The following TCF7L2 variants were observed in gnomAD, a reference collection of about 807,000 sequenced individuals.
TCF7L2 encodes the protein transcription factor 7 like 2, also known as transcription factor 7-like 2.
A neutral mutation model predicts 77.9 loss-of-function variants in TCF7L2; 23 were observed. The ratio of observed to expected loss-of-function variants is 0.30; its 90% confidence interval spans 0.21 to 0.42. The LOEUF (loss-of-function observed/expected upper bound fraction) is 0.42. Among genes scored for constraint, TCF7L2 ranks in the 10% least tolerant of loss-of-function variants. The probability of loss-of-function intolerance (pLI) is 1.00; values close to 1 mark genes in which losing one functional copy is unlikely to be tolerated. For missense variants in TCF7L2, 654 were observed against 793.1 expected (o/e 0.82, Z 2.11); for synonymous variants, 413 against 340.2 (o/e 1.21, Z -2.36).
At chr10:113,031,890 A>G (rs1476469555) in intron 4 of TCF7L2, among the ~76,000 whole-genome samples, 1 of 152,246 alleles carries the variant, frequency 6.6e-6, no homozygotes, top group Non-Finnish European at 1.5e-5. Context: ...TATCTAGTCC[A>G]TAGCTGACAC....
chr10:113,043,032 A>G (rs367682399), intron 5 of TCF7L2, among the ~76,000 whole-genome samples: 1 of 152,234 alleles, frequency 6.6e-6, no homozygotes, highest in East Asian at 1.9e-4. Flanking sequence ...TTCATCAGAC[A>G]TGTTTCAAAA....
intron 5 of TCF7L2, among the ~76,000 whole-genome samples, chr10:113,061,946 A>G (rs2134916822): frequency 6.6e-6 from 1 of 152,336 alleles, no homozygotes; most frequent in Non-Finnish European, 1.5e-5. Context: ...GAAGCATGGC[A>G]CAAATAAAAG....
chr10:113,126,103 G>A (rs2065551048), intron 5 of TCF7L2: 1 of 141,452 alleles, frequency 7.1e-6, no homozygotes, highest in Admixed American at 6.9e-5. Context: ...ACAAGTTTCG[G>A]TAGGTTTTGT....
chr10:112,992,946 G>T (rs1353496910), intron 4 of TCF7L2, among the ~76,000 whole-genome samples: 10 of 151,902 alleles, frequency 6.6e-5, no homozygotes, highest in African/African-American at 2.4e-4. Context: ...TGTATTTTTA[G>T]TAGAGATGGG....
At chr10:113,075,870 CG>C (rs963204351) in intron 5 of TCF7L2, among the ~76,000 whole-genome samples, 61 of 151,986 alleles carry the variant, frequency 4.0e-4, no homozygotes, top group African/African-American at 1.4e-3. Context: ...ATCTTACAGC[CG>C]GGGCCTGTAA....
At chr10:113,015,231 A>G (rs1189238206) in intron 4 of TCF7L2, among the ~76,000 whole-genome samples, 1 of 152,214 alleles carries the variant, frequency 6.6e-6, no homozygotes, top group African/African-American at 2.4e-5. Context: ...GGCCACATCA[A>G]TCCCATTCCT....
intron 5 of TCF7L2, among the ~76,000 whole-genome samples, chr10:113,098,454 C>A (rs1451431830): frequency 3.3e-5 from 5 of 152,044 alleles, no homozygotes; most frequent in Non-Finnish European, 7.4e-5. Flanking sequence ...CGCCTGTAAT[C>A]CCAGCACTTT....
Position 112,950,792 on chromosome 10 carries a change from A to G in TCF7L2, c.36A>G (p.Leu12=), listed in dbSNP as rs1354128144. 6.3e-7 allele frequency: 1 copy of G among 1,587,716 alleles called. No individual in the cohort carries two copies. Among genetic ancestry groups the G allele is most frequent in the Non-Finnish European group, 8.6e-7 (1 of 1,165,402 alleles). The change falls in exon 1 of 14, where the codon CTA becomes CTG. Residue 12 remains leucine (L), a synonymous_variant. Transcript: ENST00000627217. ...TGAACGGCGGTGGAGGGGATGACCT[A>G]GGCGCCAACGACGAACTGATTTCCT... is the stretch of plus-strand genomic sequence containing the variant.
In TCF7L2 at chr10:113,138,758, T is replaced by G. The variant is rs117095838; in HGVS notation, c.553-2426T>G. On this transcript the variant is annotated intron_variant, in intron 5 of 13. Coordinates refer to ENST00000627217, the MANE Select transcript of TCF7L2 (RefSeq NM_001146274.2). ...GGCTCTTTGCCTCTGTGCTTGCCTG[T>G]GTGCGTGTGGTCCTCATGGCGGAAC... Among the ~76,000 whole-genome samples the G allele has an allele frequency of 7.4e-3, 1,133 of 152,310 alleles. 12 individuals are homozygous for G. The highest frequency in any genetic ancestry group is 0.017 in the Middle Eastern group (5 of 294).
chr10:112,965,242 T>C (rs986244267), intron 4 of TCF7L2, among the ~76,000 whole-genome samples: 2 of 152,150 alleles, frequency 1.3e-5, no homozygotes, highest in Admixed American at 6.5e-5. Context: ...TTCTGATGAG[T>C]GTCCTGTTTC....
chr10:113,145,877 A>G (rs2069285780), intron 7 of TCF7L2, 134 bp from the exon 8 acceptor site: 1 of 724,128 alleles, frequency 1.4e-6, no homozygotes, highest in Non-Finnish European at 2.4e-6. Flanking sequence ...TTCCTGTACA[A>G]TCCCCAAGAT....
intron 5 of TCF7L2, among the ~76,000 whole-genome samples, chr10:113,040,809 A>G (rs1371910726): frequency 6.6e-6 from 1 of 152,188 alleles, no homozygotes; most frequent in Non-Finnish European, 1.5e-5. Flanking sequence ...GGAATTTATA[A>G]ATTAACCTCT....
intron 12 of TCF7L2, 61 bp from the exon 13 acceptor site, chr10:113,158,606 T>G: frequency 6.3e-7 from 1 of 1,577,374 alleles, no homozygotes; most frequent in Admixed American, 1.7e-5. Context: ...AAGGCCAGGC[T>G]TTTACAAACA....
At position 112,961,881 on chromosome 10, in the gene TCF7L2, G is replaced by A. The variant is rs549598461; in HGVS notation, c.382-2675G>A. Among the ~76,000 whole-genome samples, 112 of 149,900 alleles carry A rather than the reference G, an allele frequency of 7.5e-4. 1 individual carries two copies. Among genetic ancestry groups the A allele is most frequent in the Admixed American group, 1.3e-3 (20 of 15,112 alleles). On this transcript the variant is annotated intron_variant, in intron 3 of 13. Coordinates refer to ENST00000627217, the MANE Select transcript of TCF7L2 (RefSeq NM_001146274.2). ...GGAGTATGGGTGTCTGTGGGCGCTCGCGTGTGCGTGTATGTGTGTGTGTGT... is the reference window on the plus strand; with the variant it reads ...GGAGTATGGGTGTCTGTGGGCGCTCACGTGTGCGTGTATGTGTGTGTGTGT...
At chr10:112,962,507 C>T (rs922501950) in intron 3 of TCF7L2, among the ~76,000 whole-genome samples, 3 of 152,124 alleles carry the variant, frequency 2.0e-5, no homozygotes, top group African/African-American at 7.2e-5. Context: ...GTGCAATCTC[C>T]GTTTACTGAC....
intron 5 of TCF7L2, among the ~76,000 whole-genome samples, chr10:113,112,070 C>T (rs758589725): frequency 1.3e-5 from 2 of 152,224 alleles, no homozygotes; most frequent in East Asian, 1.9e-4. Context: ...CAGGTGATTG[C>T]GACATGCTTT....
intron 3 of TCF7L2, among the ~76,000 whole-genome samples, chr10:112,955,494 A>C (rs943799566): frequency 1.3e-5 from 2 of 152,222 alleles, no homozygotes; most frequent in Admixed American, 6.5e-5. Flanking sequence ...AAACTTTCTG[A>C]AATCCCAGAA....
At position 113,066,543 on chromosome 10, in the gene TCF7L2, A is replaced by T. The variant is rs113884610; in HGVS notation, c.552+26417A>T. 4.3e-3 allele frequency among the ~76,000 whole-genome samples: 657 copies of T among 152,302 alleles called. 3 individuals carry two copies. The highest frequency in any genetic ancestry group is 0.014 in the African/African-American group (585 of 41,566). ...AATGCCTGTGTGCTTATATAATTTG[A>T]ATAAAAGCTGTGCTGTTTGGAGCCC... On this transcript the variant is annotated intron_variant, in intron 5 of 13. Coordinates refer to ENST00000627217, the MANE Select transcript of TCF7L2 (RefSeq NM_001146274.2).
At chr10:113,066,371 A>G (rs1314777402) in intron 5 of TCF7L2, among the ~76,000 whole-genome samples, 1 of 152,198 alleles carries the variant, frequency 6.6e-6, no homozygotes, top group African/African-American at 2.4e-5. Flanking sequence ...GTCTCAAAAA[A>G]AAAAAAAAGT....
Sources: allele counts gnomAD v4.1 joint callset (sites outside exome capture counted in the v4.1 genomes callset), GRCh38; gene constraint gnomAD v4.1.1; transcripts MANE v1.5; gene names NCBI Gene and HGNC (gene_info 2026-07-23, HGNC 2026-07-21).